BLTP3A: variants seen among roughly 807,000 people sequenced by gnomAD.
BLTP3A encodes ICBP90 binding protein 1.
the BLTP3A span, chr6:34,823,115 A>T: frequency 1.5e-6 from 1 of 663,226 alleles, no homozygotes; most frequent in Non-Finnish European, 2.7e-6. Context: ...TCATTCACTC[A>T]GTAAATATTT....
the BLTP3A span, among the ~76,000 whole-genome samples, chr6:34,854,033 C>T: frequency 2.9e-4 from 44 of 152,050 alleles, no homozygotes; most frequent in Admixed American, 1.0e-3. Context: ...ACTAGCCCGA[C>T]CAACATGGTG....
the BLTP3A span, among the ~76,000 whole-genome samples, chr6:34,862,783 G>A: frequency 1.3e-5 from 2 of 149,846 alleles, no homozygotes; most frequent in African/African-American, 4.9e-5. Flanking sequence ...GCAGTGAGCC[G>A]AGATCATGCC....
chr6:34,835,512 C>A, the BLTP3A span: 2 of 1,571,706 alleles, frequency 1.3e-6, no homozygotes, highest in Non-Finnish European at 8.6e-7. Context: ...ACTCAGTAGG[C>A]CAGACCTAAC....
the BLTP3A span, among the ~76,000 whole-genome samples, chr6:34,810,798 T>C: frequency 6.6e-6 from 1 of 152,186 alleles, no homozygotes; most frequent in Admixed American, 6.6e-5. Flanking sequence ...ATCTTTATAT[T>C]TGTTTACATT....
the BLTP3A span, among the ~76,000 whole-genome samples, chr6:34,820,944 G>T: frequency 1.4e-5 from 2 of 146,292 alleles, no homozygotes; most frequent in African/African-American, 5.1e-5. Context: ...GAGCCACCAC[G>T]CCTGGCCCTC....
chr6:34,835,218 C>T, the BLTP3A span: 82 of 1,498,034 alleles, frequency 5.5e-5, no homozygotes, highest in Non-Finnish European at 7.0e-5. Flanking sequence ...GCTTCTGAAA[C>T]TGATTGGGCA....
the BLTP3A span, among the ~76,000 whole-genome samples, chr6:34,833,711 C>T: frequency 5.9e-5 from 9 of 151,882 alleles, no homozygotes; most frequent in East Asian, 1.4e-3. Context: ...GGCAGATCAC[C>T]AGGCCAAGAG....
chr6:34,867,555 A>G, the BLTP3A span: 34 of 1,613,894 alleles, frequency 2.1e-5, no homozygotes, highest in African/African-American at 4.0e-5. Context: ...AAGCAGAGGA[A>G]CTGACCCTCC....
the BLTP3A span, chr6:34,823,140 A>G: frequency 1.3e-6 from 1 of 788,182 alleles, no homozygotes; most frequent in Non-Finnish European, 2.2e-6. Flanking sequence ...TCTGCCCACA[A>G]TGGGTATAGC....
the BLTP3A span, chr6:34,871,581 C>T: frequency 6.2e-7 from 1 of 1,612,026 alleles, no homozygotes; most frequent in Non-Finnish European, 8.5e-7. Flanking sequence ...CTCTTTCCTG[C>T]AGGATGATAT....
At chr6:34,848,034 C>G in the BLTP3A span, among the ~76,000 whole-genome samples, 1 of 148,568 alleles carries the variant, frequency 6.7e-6, no homozygotes, top group East Asian at 2.0e-4. Context: ...ATCCTCCAAC[C>G]TCAGCCTCCC....
the BLTP3A span, chr6:34,872,000 TG>T: frequency 2.1e-6 from 3 of 1,458,748 alleles, no homozygotes; most frequent in Non-Finnish European, 1.9e-6. Context: ...AACCCGGGGT[TG>T]GGGGGCAAAA....
the BLTP3A span, chr6:34,859,009 C>T: frequency 1.2e-6 from 2 of 1,614,196 alleles, no homozygotes; most frequent in Non-Finnish European, 8.5e-7. Context: ...TCTGCTTATG[C>T]ATCCTGCACC....
At chr6:34,830,459 G>T in the BLTP3A span, among the ~76,000 whole-genome samples, 2 of 152,010 alleles carry the variant, frequency 1.3e-5, no homozygotes, top group East Asian at 3.9e-4. Context: ...GCATGATGGC[G>T]TGCGCCTGTA....
At chr6:34,864,262 A>T in the BLTP3A span, 1 of 1,466,514 alleles carries the variant, frequency 6.8e-7, no homozygotes, top group East Asian at 2.3e-5. Flanking sequence ...TGCTGCCTGT[A>T]TCAGACTGGC....
the BLTP3A span, among the ~76,000 whole-genome samples, chr6:34,823,079 C>T: frequency 1.3e-5 from 2 of 152,114 alleles, no homozygotes; most frequent in African/African-American, 4.8e-5. Context: ...TGAGGACTCT[C>T]CTTGCATTTT....
At chr6:34,829,027 C>CAAAAAAAAAAAAAAAAAAAAAAAAAAAA in the BLTP3A span, among the ~76,000 whole-genome samples, 1 of 50,726 alleles carries the variant, frequency 2.0e-5, no homozygotes, top group Non-Finnish European at 3.2e-5. Context: ...AACTCCATCT[C>CAAAAAAAAAAAAAAAAAAAAAAAAAAAA]AAAAAAAAAA....
the BLTP3A span, chr6:34,822,061 G>A: frequency 6.0e-6 from 8 of 1,325,714 alleles, no homozygotes; most frequent in African/African-American, 5.8e-5. Flanking sequence ...AATGGTGGGT[G>A]TCTCCTTATG....
At chr6:34,820,644 T>C in the BLTP3A span, among the ~76,000 whole-genome samples, 1 of 149,418 alleles carries the variant, frequency 6.7e-6, no homozygotes, top group South Asian at 2.1e-4. Flanking sequence ...ATGTTATTCA[T>C]GGACTTTCTG....
Sources: allele counts gnomAD v4.1 joint callset (sites outside exome capture counted in the v4.1 genomes callset), GRCh38; gene constraint gnomAD v4.1.1; transcripts MANE v1.5; gene names NCBI Gene and HGNC (gene_info 2026-07-23, HGNC 2026-07-21).